Variants in BNC2 observed in about 807,000 individuals in gnomAD.
The protein encoded by BNC2 is zinc finger protein basonuclin-2.
A neutral mutation model predicts 76.3 loss-of-function variants in BNC2; 20 were observed. The ratio of observed to expected loss-of-function variants is 0.26; its 90% CI spans 0.18 to 0.38. The LOEUF is 0.38. Ranked by LOEUF, BNC2 falls within the 10% of genes least tolerant of loss-of-function variation. The pLI is 1.00. For synonymous variants in BNC2, 582 were observed against 514.8 expected, an observed-to-expected ratio of 1.13 and a Z score of -1.77; for missense variants, 1,382 against 1,399.8, an observed-to-expected ratio of 0.99 and a Z score of 0.20.
chr9:16,516,999 T>C (rs140237577), intron 5 of BNC2, among the ~76,000 whole-genome samples: 1 of 152,204 alleles, frequency 6.6e-6, no homozygotes, highest in Non-Finnish European at 1.5e-5. Flanking sequence ...CATCCAGGAA[T>C]GCAGCACCAA....
chr9:16,715,364 T>A (rs544540489), intron 3 of BNC2, among the ~76,000 whole-genome samples: 1 of 152,362 alleles, frequency 6.6e-6, no homozygotes, highest in East Asian at 1.9e-4. Context: ...ACTTTTTTTC[T>A]AATCACAGGG....
chr9:16,569,728 A>G (rs554567932), intron 4 of BNC2, among the ~76,000 whole-genome samples: 1 of 152,292 alleles, frequency 6.6e-6, no homozygotes, highest in African/African-American at 2.4e-5. Flanking sequence ...GCAACTCCAC[A>G]TGAAGGTGGT....
chr9:16,552,610 G>A lies in BNC2; in HGVS notation c.589C>T (p.Leu197=). The change falls in exon 5 of 7, where the codon CTG becomes TTG. Residue 197 remains leucine (L), a synonymous_variant. Coordinates refer to ENST00000380672, the MANE Select transcript of BNC2 (RefSeq NM_017637.6). ...ATGTGCAGTACCTCCTCTTGCTTCA[G>A]GACGCTGAAGAGACGGTCCAGCAGG... ...KILLDRLFSV[L]KQEEVLHILH... is the part of the protein sequence containing the mutation. 3 of 1,614,198 alleles carry A rather than the reference G, an allele frequency of 1.9e-6. No homozygotes were observed. The highest frequency in any genetic ancestry group is 2.5e-6 in the Non-Finnish European group (3 of 1,180,038).
At chr9:16,512,753 C>A (rs1357884437) in intron 5 of BNC2, among the ~76,000 whole-genome samples, 1 of 152,142 alleles carries the variant, frequency 6.6e-6, no homozygotes, top group Non-Finnish European at 1.5e-5. Flanking sequence ...ATAAAACAAT[C>A]ATCTCAACCA....
intron 6 of BNC2, among the ~76,000 whole-genome samples, chr9:16,421,450 T>G (rs913572141): frequency 1.3e-5 from 2 of 152,220 alleles, no homozygotes; most frequent in Admixed American, 6.5e-5. Context: ...CACAAAATTA[T>G]TTTCTGTCAT....
chr9:16,853,618 C>T (rs1031687337), intron 1 of BNC2, among the ~76,000 whole-genome samples: 1 of 151,800 alleles, frequency 6.6e-6, no homozygotes, highest in Non-Finnish European at 1.5e-5. Context: ...TGCAATCCCA[C>T]CACTTTAGGA....
At position 16,418,942 on chromosome 9, in the gene BNC2, C is replaced by A. The variant is rs779932369; in HGVS notation, c.*47G>T. ...CACACTGACTATGGCAGTTCAAACA[C>A]GTAGGCCATCTGGTGAGAGCTGGCA... On this transcript the variant is annotated 3_prime_UTR_variant, in exon 7 of 7. Transcript: ENST00000380672. 19 of 1,605,244 alleles carry A rather than the reference C, an allele frequency of 1.2e-5. No homozygotes were observed. Among genetic ancestry groups the A allele is most frequent in the South Asian group, 2.2e-5 (2 of 90,838 alleles).
At chr9:16,467,482 C>T (rs1431638994) in intron 5 of BNC2, among the ~76,000 whole-genome samples, 20 of 130,206 alleles carry the variant, frequency 1.5e-4, no homozygotes, top group Admixed American at 5.6e-4. Context: ...CACATATACA[C>T]CATGGAATAC....
At chr9:16,784,081 G>C (rs966318736) in intron 1 of BNC2, among the ~76,000 whole-genome samples, 2 of 152,130 alleles carry the variant, frequency 1.3e-5, no homozygotes, top group African/African-American at 4.8e-5. Context: ...TCCTATTCAA[G>C]GAATGGAGGA....
chr9:16,495,575 A>G (rs906790219), intron 5 of BNC2, among the ~76,000 whole-genome samples: 2 of 152,216 alleles, frequency 1.3e-5, no homozygotes, highest in Admixed American at 6.5e-5. Flanking sequence ...AGTGCCACCA[A>G]AGTGGCAAGT....
At chr9:16,815,081 T>A (rs1563955998) in intron 1 of BNC2, among the ~76,000 whole-genome samples, 1 of 152,138 alleles carries the variant, frequency 6.6e-6, no homozygotes, top group African/African-American at 2.4e-5. Context: ...CAGCAAGACT[T>A]ACACTCGTTT....
chr9:16,593,753 A>G (rs1330799429), intron 3 of BNC2, among the ~76,000 whole-genome samples: 1 of 152,102 alleles, frequency 6.6e-6, no homozygotes, highest in Non-Finnish European at 1.5e-5. Context: ...ACATAAATAG[A>G]AAGTAAATAG....
chr9:16,561,447 C>T (rs1333617993), intron 4 of BNC2, among the ~76,000 whole-genome samples: 1 of 152,096 alleles, frequency 6.6e-6, no homozygotes, highest in Non-Finnish European at 1.5e-5. Flanking sequence ...TGCCTAAGCT[C>T]AGGGTATAAA....
At chr9:16,468,045 T>TA (rs963416378) in intron 5 of BNC2, among the ~76,000 whole-genome samples, 9 of 148,222 alleles carry the variant, frequency 6.1e-5, no homozygotes, top group Non-Finnish European at 1.3e-4. Flanking sequence ...TTTCTCTTTT[T>TA]TTTTTTTTTT....
intron 5 of BNC2, among the ~76,000 whole-genome samples, chr9:16,442,791 G>T (rs1927623): frequency 0.068 from 10,408 of 152,154 alleles, 365 homozygotes; most frequent in Middle Eastern, 0.13. Flanking sequence ...TAAGGCCTAT[G>T]TGCTCCAGTA....
intron 3 of BNC2, among the ~76,000 whole-genome samples, chr9:16,642,847 G>C (rs1384494855): frequency 6.6e-6 from 1 of 152,314 alleles, no homozygotes; most frequent in East Asian, 1.9e-4. Flanking sequence ...AGTAGTTCAA[G>C]AGTCACAGTT....
intron 5 of BNC2, among the ~76,000 whole-genome samples, chr9:16,544,377 GA>G (rs1818409228): frequency 6.6e-6 from 1 of 151,934 alleles, no homozygotes; most frequent in Non-Finnish European, 1.5e-5. Context: ...TATTTTATGC[GA>G]TAAGGTGCAA....
chr9:16,476,568 TA>T (rs1221904525), intron 5 of BNC2, among the ~76,000 whole-genome samples: 191 of 137,858 alleles, frequency 1.4e-3, no homozygotes, highest in East Asian at 4.7e-3. Flanking sequence ...TTGTTTTTTT[TA>T]AAAAAAAAAA....
intron 3 of BNC2, among the ~76,000 whole-genome samples, chr9:16,720,149 A>C (rs563162544): frequency 6.6e-6 from 1 of 152,332 alleles, no homozygotes; most frequent in Non-Finnish European, 1.5e-5. Flanking sequence ...CACTCGAGAC[A>C]GTCCTGTCAG....
Sources: allele counts gnomAD v4.1 joint callset (sites outside exome capture counted in the v4.1 genomes callset), GRCh38; gene constraint gnomAD v4.1.1; transcripts MANE v1.5; gene names NCBI Gene and HGNC (gene_info 2026-07-23, HGNC 2026-07-21).